PPFIBP1: variants seen among roughly 807,000 people sequenced by gnomAD.
PPFIBP1 encodes the protein liprin-beta-1.
PPFIBP1 carries 112 observed loss-of-function variants against 137.8 expected under a neutral mutation model. That is an observed-to-expected ratio of 0.81 (90% CI 0.70 to 0.95). The LOEUF is 0.95. PPFIBP1 is among the 40% of genes least tolerant of loss of function. PPFIBP1 has a pLI of 0.00. For synonymous variants in PPFIBP1, 378 were observed against 417.3 expected, an observed-to-expected ratio of 0.91 and a Z score of 1.15; for missense variants, 1,083 against 1,196.6, an observed-to-expected ratio of 0.91 and a Z score of 1.40.
chr12:27,628,179 T>G (rs2056986141), intron 2 of PPFIBP1, among the ~76,000 whole-genome samples: 1 of 152,130 alleles, frequency 6.6e-6, no homozygotes, highest in South Asian at 2.1e-4. Context: ...TTTTTGTTCT[T>G]TAGGATTTTT....
intron 1 of PPFIBP1, among the ~76,000 whole-genome samples, chr12:27,574,808 G>T (rs1324774265): frequency 2.0e-5 from 3 of 152,094 alleles, no homozygotes; most frequent in African/African-American, 7.2e-5. Context: ...TAACCCCTCT[G>T]CCTTGATTAT....
chr12:27,525,153 A>G (rs1036004328), intron 1 of PPFIBP1, among the ~76,000 whole-genome samples: 1 of 152,154 alleles, frequency 6.6e-6, no homozygotes, highest in African/African-American at 2.4e-5. Context: ...AAGGCGTGGC[A>G]TATAAACTCT....
At chr12:27,533,723 T>C (rs58613643) in intron 1 of PPFIBP1, among the ~76,000 whole-genome samples, 3,149 of 152,286 alleles carry the variant, frequency 0.021, 118 homozygotes, top group African/African-American at 0.072. Flanking sequence ...GTGAGAATGG[T>C]TGAGCTCCCC....
chr12:27,582,712 A>G (rs2051263851), intron 2 of PPFIBP1, among the ~76,000 whole-genome samples: 2 of 152,184 alleles, frequency 1.3e-5, no homozygotes, highest in Non-Finnish European at 2.9e-5. Flanking sequence ...ATTTACAGCC[A>G]TTGTAGCAGG....
In PPFIBP1 at chr12:27,654,994, A is replaced by C. The variant is rs1428338479; in HGVS notation, c.696+180A>C. ...TTAAGCACCACTGATCTGAATTTAA[A>C]AACAAGGCTTAACTCATCCGACAGA... On this transcript the variant is annotated intron_variant, in intron 8 of 29. Coordinates refer to ENST00000228425, the MANE Select transcript of PPFIBP1 (RefSeq NM_003622.4). 6.8e-6 allele frequency: 8 copies of C among 1,172,478 alleles called. No homozygotes were observed. The East Asian group carries it at 2.1e-4, about 30-fold the overall frequency. The allele number at this position is 1,172,478 out of a possible 1,614,324, so 72.6% of individuals were successfully genotyped here. A position where few individuals can be genotyped will look rare whatever the true frequency, so the allele number is the denominator to read the frequency against.
intron 22 of PPFIBP1, 42 bp downstream of exon 22, chr12:27,681,738 A>G (rs754198634): frequency 1.2e-6 from 2 of 1,604,796 alleles, no homozygotes; most frequent in South Asian, 2.2e-5. Flanking sequence ...GATACTGAGA[A>G]GAAAACAGTA....
intron 5 of PPFIBP1, 80 bp from the exon 6 acceptor site, chr12:27,647,649 T>TG: frequency 1.2e-6 from 1 of 845,042 alleles, no homozygotes; most frequent in Non-Finnish European, 1.8e-6. Flanking sequence ...ATTCCTTTTT[T>TG]TGTTCCATTT....
At chr12:27,586,581 C>T (rs2051781822) in intron 2 of PPFIBP1, among the ~76,000 whole-genome samples, 1 of 152,032 alleles carries the variant, frequency 6.6e-6, no homozygotes, top group Non-Finnish European at 1.5e-5. Flanking sequence ...CCTATAGTCC[C>T]AGCTACTTGG....
chr12:27,542,063 A>G (rs1438744357), intron 1 of PPFIBP1, among the ~76,000 whole-genome samples: 1 of 152,194 alleles, frequency 6.6e-6, no homozygotes, highest in African/African-American at 2.4e-5. Context: ...AATGGAAATA[A>G]CAATGTGTAC....
intron 2 of PPFIBP1, among the ~76,000 whole-genome samples, chr12:27,586,252 G>A (rs2051734673): frequency 6.6e-6 from 1 of 152,172 alleles, no homozygotes; most frequent in Non-Finnish European, 1.5e-5. Flanking sequence ...AAGAACCTGG[G>A]TTTTTAACCT....
chr12:27,664,134 A>G (rs2059715100), intron 11 of PPFIBP1, among the ~76,000 whole-genome samples: 1 of 152,192 alleles, frequency 6.6e-6, no homozygotes, highest in Admixed American at 6.5e-5. Flanking sequence ...CATATGTTTA[A>G]TGTATGTAGG....
chr12:27,557,795 T>C (rs1045502551), intron 1 of PPFIBP1, among the ~76,000 whole-genome samples: 3 of 152,224 alleles, frequency 2.0e-5, no homozygotes, highest in Admixed American at 6.5e-5. Flanking sequence ...ATAGGGGTTT[T>C]ATATGAAAAA....
intron 1 of PPFIBP1, among the ~76,000 whole-genome samples, chr12:27,563,444 G>A (rs1199906017): frequency 3.0e-5 from 4 of 134,830 alleles, no homozygotes; most frequent in Admixed American, 2.3e-4. Flanking sequence ...GCAACAGAGC[G>A]AGACTCCATC....
At chr12:27,578,727 T>A (rs1475489126) in intron 2 of PPFIBP1, among the ~76,000 whole-genome samples, 1 of 152,240 alleles carries the variant, frequency 6.6e-6, no homozygotes, top group Admixed American at 6.5e-5. Flanking sequence ...CTACTATTTA[T>A]TGAGCTTCTA....
chr12:27,589,303 A>G (rs1321930111), intron 2 of PPFIBP1, among the ~76,000 whole-genome samples: 1 of 152,158 alleles, frequency 6.6e-6, no homozygotes. Context: ...TTTAGACTCT[A>G]TTCTTGTGGC....
At chr12:27,543,989 C>T (rs559529124) in intron 1 of PPFIBP1, among the ~76,000 whole-genome samples, 1 of 150,738 alleles carries the variant, frequency 6.6e-6, no homozygotes, top group African/African-American at 2.4e-5. Context: ...AAGCTATCCT[C>T]CCACCTAAGC....
At chr12:27,681,740 A>G (rs2060886912) in intron 22 of PPFIBP1, 44 bp downstream of exon 22, 7 of 1,603,540 alleles carry the variant, frequency 4.4e-6, no homozygotes, top group Non-Finnish European at 5.1e-6. Context: ...TACTGAGAAG[A>G]AAACAGTATG....
chr12:27,689,893 C>G (rs575492378), intron 27 of PPFIBP1, among the ~76,000 whole-genome samples: 4 of 152,194 alleles, frequency 2.6e-5, no homozygotes, highest in Admixed American at 6.5e-5. Flanking sequence ...TTCTTCCCCT[C>G]TTTATCAGCA....
chr12:27,625,461 A>G (rs777304092), intron 2 of PPFIBP1, among the ~76,000 whole-genome samples: 11 of 152,274 alleles, frequency 7.2e-5, no homozygotes, highest in Non-Finnish European at 1.2e-4. Context: ...CTCAAAAAAG[A>G]TAAGTATAAT....
Sources: gnomAD v4.1 joint callset for allele counts (sites outside exome capture counted in the v4.1 genomes callset) on GRCh38, gnomAD v4.1.1 for gene constraint, MANE v1.5 for transcripts, NCBI Gene and HGNC (gene_info 2026-07-23, HGNC 2026-07-21) for gene names.